Variants in RNF216 observed in about 807,000 individuals in gnomAD.
RNF216 encodes E3 ubiquitin-protein ligase RNF216.
In RNF216, 72 loss-of-function variants were observed where a neutral mutation model predicts 110.8. The ratio of observed to expected loss-of-function variants is 0.65; its 90% CI spans 0.54 to 0.79. The LOEUF is 0.79. Among genes scored for constraint, RNF216 ranks in the 30% least tolerant of loss-of-function variants. RNF216 has a pLI of 0.00. For synonymous variants in RNF216, 495 were observed against 407.5 expected, an observed-to-expected ratio of 1.21 and a Z score of -2.59; for missense variants, 1,342 against 1,141.2, an observed-to-expected ratio of 1.18 and a Z score of -2.54.
intron 13 of RNF216, among the ~76,000 whole-genome samples, chr7:5,672,548 C>T (rs1419637563): frequency 6.6e-6 from 1 of 152,140 alleles, no homozygotes; most frequent in African/African-American, 2.4e-5. Flanking sequence ...AATTGATGTT[C>T]TGAGAATAAA....
At chr7:5,760,137 A>T (rs118069356) in intron 2 of RNF216, among the ~76,000 whole-genome samples, 3,027 of 152,338 alleles carry the variant, frequency 0.02, 45 homozygotes, top group Non-Finnish European at 0.032. Flanking sequence ...CGAATTTAAC[A>T]GGAAATTTCA....
At position 5,741,270 on chromosome 7, in the gene RNF216, G is replaced by A. The variant is rs369833191; in HGVS notation, c.747C>T (p.Val249=). Residue 249 remains valine (V), a synonymous_variant, in exon 4 of 17, where the codon GTC becomes GTT. Coordinates refer to ENST00000389902, the MANE Select transcript of RNF216 (RefSeq NM_207111.4). ...NQQPREITNQ[V]VPQERQPEAE... is the part of the protein sequence containing the mutation. ...CTTCAGGCTGCCGTTCCTGAGGAAC[G>A]ACCTGGTTTGTTATTTCACGGGGCT... The A allele has an allele frequency of 1.9e-5, 30 of 1,613,982 alleles. No homozygotes were observed. The highest frequency in any genetic ancestry group is 5.0e-5 in the Admixed American group (3 of 60,006).
chr7:5,742,666 G>C (rs2128655249), intron 3 of RNF216, among the ~76,000 whole-genome samples: 1 of 131,694 alleles, frequency 7.6e-6, no homozygotes, highest in South Asian at 2.4e-4. Flanking sequence ...CATGATCTCA[G>C]CTCACTCCAA....
chr7:5,623,247 C>G (rs561877372), intron 16 of RNF216, 68 bp from the exon 17 acceptor site: 161 of 1,450,132 alleles, frequency 1.1e-4, no homozygotes, highest in Non-Finnish European at 1.4e-4. Flanking sequence ...AGCCTGGGAC[C>G]AGGGCAGCGA....
In RNF216 at chr7:5,712,726, G is replaced by C. The variant is rs1299042343; in HGVS notation, c.1971C>G (p.Asp657Glu). ...GCCTGAGAACGAACCTGACAAGCTC[G>C]TCGGCGTAGGCTGCCGCAACCTCCT... ...AEEEVAAAYA[D>E]ELVRCPSCSF... Residue 657 changes from aspartate (D) to glutamate (E), a missense_variant, in exon 12 of 17, where the codon GAC (aspartate) becomes GAG (glutamate). Asp to Glu is a conservative substitution (Grantham distance 45, BLOSUM62 2). Coordinates refer to ENST00000389902, the MANE Select transcript of RNF216 (RefSeq NM_207111.4). The C allele has an allele frequency of 1.9e-6, 3 of 1,614,056 alleles. No individual in the cohort carries two copies. The highest frequency in any genetic ancestry group is 2.5e-6 in the Non-Finnish European group (3 of 1,179,978).
Position 5,711,831 on chromosome 7 carries a change from G to A in RNF216, c.1991C>T (p.Ser664Phe), listed in dbSNP as rs1299838298. 1.2e-6 allele frequency: 2 copies of A among 1,613,894 alleles called. No individual in the cohort carries two copies. Among genetic ancestry groups the A allele is most frequent in the South Asian group, 1.1e-5 (1 of 90,992 alleles). ...AYADELVRCP[S>F]CSFPALLDSD... ...GTCCAACAGAGCCGGAAAGCTACAG[G>A]ACGGGCACCTAGAGTCAGAACAGCA... The change falls in exon 13 of 17, where the codon TCC (serine) becomes TTC (phenylalanine). Residue 664 changes from serine to phenylalanine, a missense_variant. Coordinates refer to ENST00000389902, the MANE Select transcript of RNF216 (RefSeq NM_207111.4).
At chr7:5,758,801 G>C (rs1340905585) in intron 2 of RNF216, among the ~76,000 whole-genome samples, 2 of 152,136 alleles carry the variant, frequency 1.3e-5, no homozygotes, top group African/African-American at 4.8e-5. Flanking sequence ...GACTAGACTT[G>C]TCACAGATAA....
chr7:5,712,216 A>G (rs2009260), intron 12 of RNF216, among the ~76,000 whole-genome samples: 124,311 of 152,230 alleles, frequency 0.82, 52,593 homozygotes, highest in Non-Finnish European at 0.91. Context: ...GCGGTGGCTC[A>G]CGCCTGTAGT....
chr7:5,763,060 G>C (rs17135752), intron 1 of RNF216, among the ~76,000 whole-genome samples: 12,026 of 152,174 alleles, frequency 0.079, 562 homozygotes, highest in East Asian at 0.12. Context: ...CTGAACTCTG[G>C]GGATAGGAAA....
At chr7:5,757,894 C>T (rs1795729982) in intron 2 of RNF216, among the ~76,000 whole-genome samples, 1 of 152,170 alleles carries the variant, frequency 6.6e-6, no homozygotes, top group Non-Finnish European at 1.5e-5. Context: ...GTGGCTCACA[C>T]CTGTAATCCT....
intron 14 of RNF216, among the ~76,000 whole-genome samples, chr7:5,645,623 G>C (rs852465): frequency 0.016 from 2,346 of 150,268 alleles, 33 homozygotes; most frequent in South Asian, 0.035. Flanking sequence ...ACAGAGTCTT[G>C]CTCTGTCCCC....
chr7:5,709,680 G>A (rs1562415129), intron 13 of RNF216, among the ~76,000 whole-genome samples: 1 of 152,170 alleles, frequency 6.6e-6, no homozygotes, highest in Non-Finnish European at 1.5e-5. Flanking sequence ...CCCCTGGGAA[G>A]CTCCCACCAA....
chr7:5,675,844 G>C (rs940063699), intron 13 of RNF216, among the ~76,000 whole-genome samples: 2 of 150,936 alleles, frequency 1.3e-5, no homozygotes, highest in African/African-American at 4.9e-5. Context: ...TGAGTAGCTG[G>C]GATTACAGGC....
At chr7:5,764,000 C>A (rs986517361) in intron 1 of RNF216, among the ~76,000 whole-genome samples, 1 of 151,254 alleles carries the variant, frequency 6.6e-6, no homozygotes, top group Non-Finnish European at 1.5e-5. Flanking sequence ...ACCAGCCTGG[C>A]CAACATGGGC....
chr7:5,775,674 AG>A (rs1397314385), intron 1 of RNF216, among the ~76,000 whole-genome samples: 3 of 152,070 alleles, frequency 2.0e-5, no homozygotes, highest in Admixed American at 1.3e-4. Flanking sequence ...GTTCAAGACC[AG>A]CCTGGCCAAC....
At chr7:5,765,195 C>G (rs776997402) in intron 1 of RNF216, among the ~76,000 whole-genome samples, 33 of 152,270 alleles carry the variant, frequency 2.2e-4, no homozygotes, top group African/African-American at 7.9e-4. Context: ...GGCATGGTGG[C>G]TCACGCCTTT....
At chr7:5,687,297 G>C (rs1363457593) in intron 13 of RNF216, among the ~76,000 whole-genome samples, 1 of 150,548 alleles carries the variant, frequency 6.6e-6, no homozygotes, top group Non-Finnish European at 1.5e-5. Flanking sequence ...TTGGGAGGCT[G>C]AGGAGGGAGA....
At chr7:5,780,980 G>A (rs1010265072) in intron 1 of RNF216, among the ~76,000 whole-genome samples, 7 of 152,210 alleles carry the variant, frequency 4.6e-5, no homozygotes, top group African/African-American at 1.7e-4. Flanking sequence ...CACCCGAGCC[G>A]GGCCAGCCCC....
rs1197461635 is a variant in RNF216 at position 5,726,965 on chromosome 7, G to T, written c.1390-1527C>A. On this transcript the variant is annotated intron_variant, in intron 7 of 16. Coordinates refer to ENST00000389902, the MANE Select transcript of RNF216 (RefSeq NM_207111.4). ...AGGGTGTGTGAGGTAAGGCCATTCC[G>T]CCTGCAAGAGAAGAAGGAAGAGTGG... 2.6e-5 allele frequency among the ~76,000 whole-genome samples: 4 copies of T among 152,050 alleles called. No homozygotes were observed. In the East Asian group the frequency reaches 5.8e-4, roughly 22 times the overall value.
Sources: gnomAD v4.1 joint callset for allele counts (sites outside exome capture counted in the v4.1 genomes callset) on GRCh38, gnomAD v4.1.1 for gene constraint, MANE v1.5 for transcripts, NCBI Gene and HGNC (gene_info 2026-07-23, HGNC 2026-07-21) for gene names.